Variants in TAB2 observed in about 807,000 individuals in gnomAD.
The protein encoded by TAB2 is TGF-beta-activated kinase 1 and MAP3K7-binding protein 2.
A neutral mutation model predicts 65.0 loss-of-function variants in TAB2; 3 were observed. The ratio of observed to expected loss-of-function variants is 0.05; its 90% CI spans 0.02 to 0.12. TAB2 has a LOEUF of 0.12. Among genes scored for constraint, TAB2 ranks in the 10% least tolerant of loss-of-function variants. The pLI is 1.00. For synonymous variants in TAB2, 298 were observed against 285.1 expected (o/e 1.05, Z -0.46); for missense variants, 623 against 840.3 (o/e 0.74, Z 3.20).
At chr6:149,314,583 C>A (rs1328339053), upstream of TAB2, among the ~76,000 whole-genome samples, 1 of 152,174 alleles carries the variant, frequency 6.6e-6, no homozygotes, top group Non-Finnish European at 1.5e-5. Context: ...CCACCCTGTG[C>A]AAAGTAATCC....
At chr6:149,320,618 CTA>C (rs911329284) in intron 1 of TAB2, among the ~76,000 whole-genome samples, 5 of 152,082 alleles carry the variant, frequency 3.3e-5, no homozygotes, top group African/African-American at 1.2e-4. Flanking sequence ...CTGTTTTACT[CTA>C]TGAGTTACTT....
intron 1 of TAB2, among the ~76,000 whole-genome samples, chr6:149,319,969 T>C (rs1779381389): frequency 6.6e-6 from 1 of 152,246 alleles, no homozygotes; most frequent in African/African-American, 2.4e-5. Flanking sequence ...TTAATCCCGT[T>C]TGATTGAAAT....
intron 1 of TAB2, chr6:149,243,645 T>C (rs1448662226): frequency 6.6e-6 from 1 of 152,252 alleles, no homozygotes; most frequent in Non-Finnish European, 1.5e-5. Flanking sequence ...TTTGATTGGC[T>C]GAAGGCACTT....
rs541850437 is a variant in TAB2, at chr6:149,232,064, G to A, written c.-121+13288G>A. Among the ~76,000 whole-genome samples, 12 of 152,210 alleles carry A rather than the reference G, an allele frequency of 7.9e-5. No homozygotes were observed. The East Asian group carries it at 2.1e-3, about 27-fold the overall frequency. On this transcript the variant is annotated intron_variant, in intron 1 of 1. Transcript: ENST00000606202. ...AGAAACAGAAATTTGAGGGTGGAGG[G>A]GGAAAACTCTGTGAACTTACAGGAC... is the stretch of plus-strand genomic sequence containing the variant.
intron 1 of TAB2, among the ~76,000 whole-genome samples, chr6:149,312,615 AG>A (rs1291545204): frequency 9.2e-5 from 14 of 152,324 alleles, no homozygotes; most frequent in African/African-American, 3.1e-4. Context: ...CACCTGCCTC[AG>A]CCTCCCAAAA....
chr6:149,234,548 A>G (rs1583036484), intron 1 of TAB2, among the ~76,000 whole-genome samples: 2 of 151,898 alleles, frequency 1.3e-5, no homozygotes, highest in Admixed American at 1.3e-4. Context: ...TGGAAAATCA[A>G]CCTCCCCATT....
intron 1 of TAB2, among the ~76,000 whole-genome samples, chr6:149,237,280 C>T (rs1777512397): frequency 6.6e-6 from 1 of 152,130 alleles, no homozygotes. Context: ...TTTACTCATC[C>T]CTACTTGCTA....
chr6:149,236,664 T>C (rs916420301), intron 1 of TAB2, among the ~76,000 whole-genome samples: 1 of 152,202 alleles, frequency 6.6e-6, no homozygotes. Context: ...GCATAAGACA[T>C]ATCTGTTAAA....
Position 149,399,093 on chromosome 6 carries a change from A to G in TAB2, c.1859-11A>G. 6.2e-7 allele frequency: 1 copy of G among 1,608,352 alleles called. No individual in the cohort carries two copies. Among genetic ancestry groups the G allele is most frequent in the Non-Finnish European group, 8.5e-7 (1 of 1,175,196 alleles). ...ATAAGCATTGATATATTTACTTTTT[A>G]TATATTTCAGGACCACATTTTAACC... On this transcript the variant is annotated splice_polypyrimidine_tract_variant and intron_variant, in intron 5 of 6. Coordinates refer to ENST00000637181, the MANE Select transcript of TAB2 (RefSeq NM_001292034.3).
At chr6:149,241,628 C>T (rs376269516) in intron 1 of TAB2, among the ~76,000 whole-genome samples, 1 of 152,118 alleles carries the variant, frequency 6.6e-6, no homozygotes, top group African/African-American at 2.4e-5. Flanking sequence ...AAAAGCAAGG[C>T]TGAACTCCCT....
At chr6:149,219,306 TTGTGTGTGTGTG>T (rs3064238) in intron 1 of TAB2, among the ~76,000 whole-genome samples, 8 of 146,220 alleles carry the variant, frequency 5.5e-5, no homozygotes, top group Middle Eastern at 3.5e-3. Flanking sequence ...ATTTTAACAT[TTGTGTGTGTGTG>T]TGTGTGTGTG....
upstream of TAB2, among the ~76,000 whole-genome samples, chr6:149,316,862 C>A (rs1779265862): frequency 6.6e-6 from 1 of 152,046 alleles, no homozygotes; most frequent in African/African-American, 2.4e-5. Flanking sequence ...CTCGAAGTTG[C>A]CAGTTGTGAG....
At chr6:149,390,591 C>T (rs1233178217) in intron 3 of TAB2, among the ~76,000 whole-genome samples, 1 of 152,110 alleles carries the variant, frequency 6.6e-6, no homozygotes, top group African/African-American at 2.4e-5. Context: ...GAAATTTTCT[C>T]CATTGTTCGT....
chr6:149,223,397 G>A (rs191981982), intron 1 of TAB2, among the ~76,000 whole-genome samples: 13 of 152,276 alleles, frequency 8.5e-5, no homozygotes, highest in Admixed American at 7.8e-4. Flanking sequence ...TCTAAGACTC[G>A]TCCAGCTCTG....
At position 149,406,423 on chromosome 6, in the gene TAB2, A is replaced by G. The variant is rs146441356; in HGVS notation, c.1940-3154A>G. Among the ~76,000 whole-genome samples the G allele has an allele frequency of 2.0e-5, 3 of 152,338 alleles. No homozygotes were observed. In the East Asian group the frequency reaches 5.8e-4, roughly 29 times the overall value. ...GGGGAGGAAAAGGAGAGGTTGAGAA[A>G]AACAAAATTAGGACATTTTATGAAT... On this transcript the variant is annotated intron_variant, in intron 6 of 6. Coordinates refer to ENST00000637181, the MANE Select transcript of TAB2 (RefSeq NM_001292034.3).
At chr6:149,271,796 G>A (rs759605735) in intron 1 of TAB2, among the ~76,000 whole-genome samples, 2 of 152,038 alleles carry the variant, frequency 1.3e-5, no homozygotes, top group Non-Finnish European at 2.9e-5. Flanking sequence ...TCATACTCAC[G>A]GACAACCAGA....
intron 2 of TAB2, among the ~76,000 whole-genome samples, chr6:149,377,310 C>T (rs981172067): frequency 2.6e-5 from 4 of 151,690 alleles, no homozygotes; most frequent in Non-Finnish European, 5.9e-5. Flanking sequence ...CCACCCGCCT[C>T]GGCCTCCCAA....
chr6:149,397,668 A>G lies in TAB2; in HGVS notation c.1668A>G (p.Lys556=), dbSNP rs562937458. 1.4e-5 allele frequency: 23 copies of G among 1,614,130 alleles called. No individual in the cohort carries two copies. The African/African-American group carries it at 2.8e-4, about 20-fold the overall frequency. ...AAAGAGAACTTGAGATTCAAAAGAA[A>G]AAGCTGGATAAATTAAAATCTGAGG... ...RLQRELEIQK[K]KLDKLKSEVN... is the part of the protein sequence containing the mutation. The change falls in exon 4 of 7, where the codon AAA becomes AAG. Residue 556 remains lysine, a synonymous_variant. Coordinates refer to ENST00000637181, the MANE Select transcript of TAB2 (RefSeq NM_001292034.3).
chr6:149,249,239 G>A (rs529089116), intron 1 of TAB2, among the ~76,000 whole-genome samples: 2 of 152,078 alleles, frequency 1.3e-5, no homozygotes, highest in Admixed American at 1.3e-4. Context: ...AGAGCTTACA[G>A]CAGTGCCCAG....
Sources: allele counts gnomAD v4.1 joint callset (sites outside exome capture counted in the v4.1 genomes callset), GRCh38; gene constraint gnomAD v4.1.1; transcripts MANE v1.5; gene names NCBI Gene and HGNC (gene_info 2026-07-23, HGNC 2026-07-21).